Variants in DPP10 observed in about 807,000 individuals in gnomAD.
DPP10 encodes the protein inactive dipeptidyl peptidase 10.
DPP10 carries 33 observed loss-of-function variants against 120.9 expected under a neutral mutation model. That is an observed-to-expected ratio of 0.27 (90% confidence interval 0.21 to 0.37). DPP10 has a LOEUF of 0.37. Among genes scored for constraint, DPP10 ranks in the 10% least tolerant of loss-of-function variants. DPP10 has a pLI of 1.00. For missense variants in DPP10, 816 were observed against 942.8 expected (o/e 0.87, Z 1.76); for synonymous variants, 337 against 326.1 (o/e 1.03, Z -0.36).
At chr2:114,642,119 G>A (rs907980469) in intron 1 of DPP10, among the ~76,000 whole-genome samples, 2 of 151,840 alleles carry the variant, frequency 1.3e-5, no homozygotes, top group African/African-American at 4.9e-5. Flanking sequence ...TCTCCAATGA[G>A]GGATATTTGA....
intron 5 of DPP10, among the ~76,000 whole-genome samples, chr2:115,679,258 A>G (rs1187720938): frequency 1.1e-4 from 16 of 152,078 alleles, no homozygotes; most frequent in Admixed American, 1.0e-3. Flanking sequence ...CTTGTCTTGA[A>G]TTGTAGTTCC....
chr2:114,893,532 A>C (rs1019934983), intron 1 of DPP10, among the ~76,000 whole-genome samples: 1 of 152,154 alleles, frequency 6.6e-6, no homozygotes, highest in Non-Finnish European at 1.5e-5. Context: ...GGGGAAGAGA[A>C]CCAGCATGAA....
intron 1 of DPP10, among the ~76,000 whole-genome samples, chr2:115,056,205 A>T (rs925620625): frequency 6.6e-6 from 1 of 152,144 alleles, no homozygotes; most frequent in African/African-American, 2.4e-5. Flanking sequence ...GAGGCAGGGC[A>T]TATAGTCTAT....
chr2:115,537,027 A>C (rs897914049), intron 5 of DPP10, among the ~76,000 whole-genome samples: 1 of 152,030 alleles, frequency 6.6e-6, no homozygotes, highest in African/African-American at 2.4e-5. Flanking sequence ...CTTAATTGTA[A>C]AACATAATGG....
intron 2 of DPP10, among the ~76,000 whole-genome samples, chr2:115,328,485 G>C (rs963227952): frequency 2.0e-5 from 3 of 152,016 alleles, no homozygotes; most frequent in African/African-American, 7.2e-5. Flanking sequence ...AGAACCTAAA[G>C]GTACATTTCT....
At chr2:115,012,759 A>G (rs1390027280) in intron 1 of DPP10, among the ~76,000 whole-genome samples, 1 of 152,118 alleles carries the variant, frequency 6.6e-6, no homozygotes, top group Admixed American at 6.5e-5. Flanking sequence ...TGACAAAACA[A>G]AGTTCTTCAA....
chr2:115,638,853 A>T (rs567165959), intron 5 of DPP10, among the ~76,000 whole-genome samples: 1 of 152,290 alleles, frequency 6.6e-6, no homozygotes, highest in South Asian at 2.1e-4. Flanking sequence ...ACAAACACGG[A>T]AGCACTAACT....
At chr2:115,201,384 A>T (rs2055705722) in intron 1 of DPP10, among the ~76,000 whole-genome samples, 1 of 152,126 alleles carries the variant, frequency 6.6e-6, no homozygotes, top group African/African-American at 2.4e-5. Flanking sequence ...AATTGCTGGA[A>T]CCCGGGTGGC....
At chr2:114,632,510 T>TTTTG (rs1315212087) in intron 1 of DPP10, among the ~76,000 whole-genome samples, 7 of 131,762 alleles carry the variant, frequency 5.3e-5, no homozygotes, top group African/African-American at 2.0e-4. Flanking sequence ...AGGGTTTTTT[T>TTTTG]TTTTTTTTTT....
At chr2:114,788,480 A>G (rs1177588428) in intron 1 of DPP10, among the ~76,000 whole-genome samples, 1 of 151,360 alleles carries the variant, frequency 6.6e-6, no homozygotes, top group Non-Finnish European at 1.5e-5. Context: ...CAGTGGCACA[A>G]TCTCAGCTCA....
At chr2:115,273,366 G>A (rs2059778975) in intron 1 of DPP10, among the ~76,000 whole-genome samples, 1 of 151,656 alleles carries the variant, frequency 6.6e-6, no homozygotes, top group Non-Finnish European at 1.5e-5. Flanking sequence ...TGTTTTGACC[G>A]AGTCTCCCTC....
intron 1 of DPP10, among the ~76,000 whole-genome samples, chr2:115,040,892 G>C (rs972940319): frequency 2.0e-5 from 3 of 152,080 alleles, no homozygotes; most frequent in African/African-American, 7.2e-5. Flanking sequence ...GCTGAGGCAG[G>C]CAGATGACTT....
intron 1 of DPP10, among the ~76,000 whole-genome samples, chr2:114,479,411 G>GAA (rs57691260): frequency 0.57 from 85,413 of 149,864 alleles, 25,048 homozygotes; most frequent in East Asian, 0.69. Context: ...ATGAAAAAAT[G>GAA]AAAAAAAAAC....
At chr2:114,975,441 T>C (rs748233059) in intron 1 of DPP10, among the ~76,000 whole-genome samples, 1 of 152,178 alleles carries the variant, frequency 6.6e-6, no homozygotes, top group Non-Finnish European at 1.5e-5. Context: ...AGAAAATATA[T>C]TGTGGCATGA....
chr2:114,859,064 C>A (rs960166825), intron 1 of DPP10, among the ~76,000 whole-genome samples: 2 of 151,998 alleles, frequency 1.3e-5, no homozygotes, highest in African/African-American at 4.8e-5. Context: ...CGGTGGCTCA[C>A]GCCTGTAATC....
intron 1 of DPP10, among the ~76,000 whole-genome samples, chr2:115,097,747 G>C (rs191158457): frequency 6.6e-6 from 1 of 152,174 alleles, no homozygotes; most frequent in African/African-American, 2.4e-5. Flanking sequence ...GAGATTGCAC[G>C]TAGAAAATAA....
chr2:115,238,962 C>G (rs1193304125), intron 1 of DPP10, among the ~76,000 whole-genome samples: 1 of 152,066 alleles, frequency 6.6e-6, no homozygotes, highest in East Asian at 1.9e-4. Flanking sequence ...AACTTGGAGT[C>G]CGATTTTCAA....
chr2:114,964,713 G>A lies in DPP10; in HGVS notation c.61-344526G>A, dbSNP rs554922629. On this transcript the variant is annotated intron_variant, in intron 1 of 25. Transcript: ENST00000410059. Reference sequence around the variant, plus strand: ...AGGATATCAGTTTAGAAAGGCAATGGAGCAGCAGATCACATGGAACCTTTA... The same window carrying A: ...AGGATATCAGTTTAGAAAGGCAATGAAGCAGCAGATCACATGGAACCTTTA... 2.2e-4 allele frequency among the ~76,000 whole-genome samples: 33 copies of A among 152,268 alleles called. 1 individual carries two copies. Among genetic ancestry groups the A allele is most frequent in the African/African-American group, 7.9e-4 (33 of 41,568 alleles).
At chr2:114,556,257 A>ATATATATATATATG (rs1167155294) in intron 1 of DPP10, among the ~76,000 whole-genome samples, 2 of 140,938 alleles carry the variant, frequency 1.4e-5, no homozygotes, top group Admixed American at 1.4e-4. Context: ...ATATATATAT[A>ATATATATATATATG]TATATATATA....
Sources: gnomAD v4.1 joint callset for allele counts (sites outside exome capture counted in the v4.1 genomes callset) on GRCh38, gnomAD v4.1.1 for gene constraint, MANE v1.5 for transcripts, NCBI Gene and HGNC (gene_info 2026-07-23, HGNC 2026-07-21) for gene names.